PDE9A: variants seen among roughly 807,000 people sequenced by gnomAD.
The protein encoded by PDE9A is high affinity cGMP-specific 3',5'-cyclic phosphodiesterase 9A.
A neutral mutation model predicts 87.4 loss-of-function variants in PDE9A; 60 were observed. The observed-to-expected ratio is 0.69, with a 90% CI of 0.56 to 0.85. The LOEUF is 0.85. Among genes scored for constraint, PDE9A ranks in the 40% least tolerant of loss-of-function variants. The probability of loss-of-function intolerance (pLI) is 0.00; values close to 1 mark genes in which losing one functional copy is unlikely to be tolerated. For synonymous variants in PDE9A, 272 were observed against 279.4 expected, an observed-to-expected ratio of 0.97 and a Z score of 0.27; for missense variants, 665 against 779.0, an observed-to-expected ratio of 0.85 and a Z score of 1.74.
rs771549380 is a variant in PDE9A at position 42,695,375 on chromosome 21, C to A, written c.219-3593C>A. ...TAACATGGGCGTTGCTTCCTGACAA[C>A]CCTACCCCTTCCATTCCCCAGTCAC... On this transcript the variant is annotated intron_variant, in intron 3 of 19. Transcript: ENST00000291539. This position sits in a 1 kb window ranked among gnomAD's most constrained non-coding sequence, Gnocchi z 4.3. 1.3e-5 allele frequency among the ~76,000 whole-genome samples: 2 copies of A among 152,186 alleles called. No homozygotes were observed. The highest frequency in any genetic ancestry group is 2.9e-5 in the Non-Finnish European group (2 of 68,042).
intron 8 of PDE9A, among the ~76,000 whole-genome samples, chr21:42,749,391 AG>A (rs1467412083): frequency 6.6e-6 from 1 of 152,130 alleles, no homozygotes; most frequent in Non-Finnish European, 1.5e-5. Context: ...TCACACCCAT[AG>A]GGTGTGAACC....
At chr21:42,774,939 T>C (rs1280598771) in intron 19 of PDE9A, among the ~76,000 whole-genome samples, 1 of 142,662 alleles carries the variant, frequency 7.0e-6, no homozygotes, top group Non-Finnish European at 1.5e-5. Flanking sequence ...CTGCTGGCAC[T>C]TTTTTTTTTC....
intron 4 of PDE9A, among the ~76,000 whole-genome samples, chr21:42,711,490 A>T (rs986823348): frequency 1.3e-5 from 2 of 151,850 alleles, no homozygotes; most frequent in Admixed American, 6.6e-5. Flanking sequence ...TGACCTCATG[A>T]TCCACCCACC....
intron 3 of PDE9A, chr21:42,689,730 C>T (rs2059686246): frequency 1.0e-6 from 1 of 985,330 alleles, no homozygotes. Flanking sequence ...CAAAAGCCCT[C>T]CTGAGCCCAA....
intron 4 of PDE9A, among the ~76,000 whole-genome samples, chr21:42,726,484 T>G (rs1185534467): frequency 6.6e-6 from 1 of 150,748 alleles, no homozygotes; most frequent in Non-Finnish European, 1.5e-5. Context: ...TTATATAAAC[T>G]GAATTCTAGG....
chr21:42,707,446 T>G (rs1055046063), intron 4 of PDE9A, among the ~76,000 whole-genome samples: 2 of 152,228 alleles, frequency 1.3e-5, no homozygotes, highest in Non-Finnish European at 2.9e-5. Flanking sequence ...GGTGCCCAGC[T>G]TCTTTGCTCC....
chr21:42,658,015 C>T (rs2269129), intron 1 of PDE9A, among the ~76,000 whole-genome samples: 7,310 of 152,308 alleles, frequency 0.048, 369 homozygotes, highest in East Asian at 0.29. Context: ...CCGCAGAAGT[C>T]GGCTCCCAGT....
chr21:42,706,659 G>T (rs1442503204), intron 4 of PDE9A, among the ~76,000 whole-genome samples: 1 of 150,986 alleles, frequency 6.6e-6, no homozygotes, highest in Non-Finnish European at 1.5e-5. Flanking sequence ...AAAAAAAATT[G>T]TACAACCTCA....
chr21:42,663,096 C>T (rs1382782355), intron 1 of PDE9A, among the ~76,000 whole-genome samples: 2 of 149,570 alleles, frequency 1.3e-5, no homozygotes, highest in African/African-American at 2.5e-5. Context: ...CAAGAATGCA[C>T]ACCACATACA....
At chr21:42,774,775 G>A (rs1203682469) in intron 19 of PDE9A, among the ~76,000 whole-genome samples, 1 of 150,820 alleles carries the variant, frequency 6.6e-6, no homozygotes, top group Admixed American at 6.6e-5. Flanking sequence ...CCAGCTACTT[G>A]GGAGCCAGAG....
chr21:42,768,118 A>G, intron 15 of PDE9A, 70 bp from the exon 16 acceptor site: 1 of 925,058 alleles, frequency 1.1e-6, no homozygotes, highest in East Asian at 2.4e-5. Flanking sequence ...TGGCAAGTCC[A>G]GACCCGAGCA....
intron 6 of PDE9A, among the ~76,000 whole-genome samples, 195 bp downstream of exon 6, chr21:42,732,319 G>A (rs777914839): frequency 3.4e-4 from 52 of 152,196 alleles, no homozygotes; most frequent in African/African-American, 9.9e-4. Flanking sequence ...CCCAGGAAAC[G>A]CTCACCTTAG....
chr21:42,747,868 T>C lies in PDE9A; in HGVS notation c.654-3248T>C, dbSNP rs185855597. Among the ~76,000 whole-genome samples, 9 of 152,314 alleles carry C rather than the reference T, an allele frequency of 5.9e-5. No homozygotes were observed. The East Asian group carries it at 1.7e-3, about 29-fold the overall frequency. On this transcript the variant is annotated intron_variant, in intron 8 of 19. Coordinates refer to ENST00000291539, the MANE Select transcript of PDE9A (RefSeq NM_002606.3). ...TGGCCTAAGCCCCAGAGAAGGGGGA[T>C]GGGGACCCCAGGAAATGAAAGCAAA...
intron 6 of PDE9A, 86 bp from the exon 7 acceptor site, chr21:42,733,270 G>A (rs2052026053): frequency 2.6e-6 from 2 of 776,412 alleles, no homozygotes; most frequent in East Asian, 5.1e-5. Flanking sequence ...CCCACAGCAG[G>A]GACTCAGTAG....
intron 10 of PDE9A, among the ~76,000 whole-genome samples, chr21:42,756,322 G>A (rs2055034459): frequency 6.6e-6 from 1 of 152,184 alleles, no homozygotes; most frequent in South Asian, 2.1e-4. Context: ...ACAACTAAAG[G>A]GACACACATG....
In PDE9A at chr21:42,711,249, A is replaced by G. The variant is rs986319072; in HGVS notation, c.262+12238A>G. Among the ~76,000 whole-genome samples, 9 of 147,460 alleles carry G rather than the reference A, an allele frequency of 6.1e-5. No homozygotes were observed. The East Asian group carries it at 1.8e-3, about 30-fold the overall frequency. On this transcript the variant is annotated intron_variant, in intron 4 of 19. Transcript: ENST00000291539. ...GTCAGTACTTCTTGTGTCTTCTCTA[A>G]TAAGTTTTGTTTTTTTTTTTTTTTG...
intron 3 of PDE9A, among the ~76,000 whole-genome samples, chr21:42,689,372 G>A (rs538013920): frequency 2.0e-5 from 3 of 152,312 alleles, no homozygotes; most frequent in African/African-American, 4.8e-5. Context: ...CAGACTCCCC[G>A]GAAGGTGCAG....
chr21:42,665,362 G>A (rs532976829), intron 1 of PDE9A, among the ~76,000 whole-genome samples: 10 of 152,174 alleles, frequency 6.6e-5, no homozygotes, highest in Admixed American at 2.6e-4. Flanking sequence ...GGGTTGCCTT[G>A]TCCACCCCCA....
chr21:42,753,493 G>A (rs976651558), intron 9 of PDE9A, among the ~76,000 whole-genome samples: 26 of 152,088 alleles, frequency 1.7e-4, no homozygotes, highest in East Asian at 5.8e-4. Flanking sequence ...GGCATCCACC[G>A]ATGGGATCTC....
Sources: gnomAD v4.1 joint callset for allele counts (sites outside exome capture counted in the v4.1 genomes callset) on GRCh38, gnomAD v4.1.1 for gene constraint, Gnocchi (gnomAD v3.1) non-coding constraint, MANE v1.5 for transcripts, NCBI Gene and HGNC (gene_info 2026-07-23, HGNC 2026-07-21) for gene names.